The following S100A3 variants were observed in gnomAD, a reference collection of about 807,000 sequenced individuals.
S100A3 encodes S100 calcium binding protein A3.
S100A3 carries 11 observed loss-of-function variants against 8.0 expected under a neutral mutation model. That is an observed-to-expected ratio of 1.37 (90% CI 0.86 to 2.27). S100A3 has a LOEUF of 2.27. S100A3 is among the 30% of genes most tolerant of loss of function. The pLI is 0.00. For synonymous variants in S100A3, 43 were observed against 49.6 expected (o/e 0.87, Z 0.56); for missense variants, 124 against 127.1 (o/e 0.98, Z 0.12).
rs573369657 is a variant in S100A3 at position 153,547,392 on chromosome 1, C to T, written c.*290G>A. 21 of 385,034 alleles carry T rather than the reference C, an allele frequency of 5.5e-5. No individual in the cohort carries two copies. The highest frequency in any genetic ancestry group is 1.4e-3 in the Middle Eastern group (2 of 1,460). The allele number at this position is 385,034 out of a possible 1,614,324, so 23.9% of individuals were successfully genotyped here. On this transcript the variant is annotated 3_prime_UTR_variant, in exon 3 of 3. Transcript: ENST00000368713. The surrounding 1 kb of genome is among the most constrained non-coding windows in gnomAD (Gnocchi z 4.0). ...TTCCCATCGTGGTCTCATTGGTGCA[C>T]GCTCTGCTGAGCCTCGAGGGCCTCA...
At position 153,548,229 on chromosome 1, in the gene S100A3, C is replaced by A; in HGVS notation, c.141+116G>T. 2.9e-6 allele frequency: 4 copies of A among 1,370,908 alleles called. No individual in the cohort carries two copies. The South Asian group carries it at 4.9e-5, about 17-fold the overall frequency. The allele number at this position is 1,370,908 out of a possible 1,614,324, so 84.9% of individuals were successfully genotyped here. A position where few individuals can be genotyped will look rare whatever the true frequency, so the allele number is the denominator to read the frequency against. On this transcript the variant is annotated intron_variant, in intron 2 of 2. Coordinates refer to ENST00000368713, the MANE Select transcript of S100A3 (RefSeq NM_002960.2). ...CCCCCTCCCACTCCCTCCTCACAAT[C>A]CAGCCCCCTCCCTTGCTGTCCTGTG...
At chr1:153,548,870 C>G (rs189969661) in intron 1 of S100A3, among the ~76,000 whole-genome samples, 1 of 152,206 alleles carries the variant, frequency 6.6e-6, no homozygotes, top group Non-Finnish European at 1.5e-5. Flanking sequence ...TCTGCCCCAG[C>G]CCATGAGATG....
Position 153,547,574 on chromosome 1 carries a change from A to C in S100A3, c.*108T>G. The C allele has an allele frequency of 7.6e-7, 1 of 1,307,200 alleles. No homozygotes were observed. The highest frequency in any genetic ancestry group is 1.1e-6 in the Non-Finnish European group (1 of 950,790). 81.0% of individuals were successfully genotyped at this position (1,307,200 alleles called of 1,614,324 possible). On this transcript the variant is annotated 3_prime_UTR_variant, in exon 3 of 3. Coordinates refer to ENST00000368713, the MANE Select transcript of S100A3 (RefSeq NM_002960.2). The surrounding 1 kb of genome is among the most constrained non-coding windows in gnomAD (Gnocchi z 4.0). The stretch of plus-strand genomic sequence containing the variant: ...TAGGTAAAATGGGTTAACTGATCGC[A>C]GAAGACCTGGGCAAGTCCAGATTGA...
At position 153,549,178 on chromosome 1, in the gene S100A3, C is replaced by G. The variant is rs1371213070; in HGVS notation, c.-6+3G>C. ...CTGATCTGTAAGTTGGGGTTCATCT[C>G]ACCTCGCTGGCCCAGTCAGGAACCT... On this transcript the variant is annotated splice_donor_region_variant and intron_variant, in intron 1 of 2. Transcript: ENST00000368713. The G allele has an allele frequency of 6.6e-6, 1 of 152,554 alleles. No individual in the cohort carries two copies. The highest frequency in any genetic ancestry group is 2.4e-5 in the African/African-American group (1 of 41,468). The allele number at this position is 152,554 out of a possible 1,614,324, so 9.5% of individuals were successfully genotyped here. A position where few individuals can be genotyped will look rare whatever the true frequency, so the allele number is the denominator to read the frequency against.
Position 153,548,924 on chromosome 1 carries a change from C to T in S100A3, c.-6+257G>A, listed in dbSNP as rs576579581. 1.6e-4 allele frequency: 26 copies of T among 162,860 alleles called. No homozygotes were observed. The South Asian group carries it at 3.9e-3, about 25-fold the overall frequency. The allele number at this position is 162,860 out of a possible 1,614,324, so 10.1% of individuals were successfully genotyped here. A position where few individuals can be genotyped will look rare whatever the true frequency, so the allele number is the denominator to read the frequency against. On this transcript the variant is annotated intron_variant, in intron 1 of 2. Coordinates refer to ENST00000368713, the MANE Select transcript of S100A3 (RefSeq NM_002960.2). The stretch of plus-strand genomic sequence containing the variant: ...CTGCAGGAACTTGCACAAGGAGAGC[C>T]TGGCCCTGTGCTTCTCTGCCCTCAG...
intron 2 of S100A3, among the ~76,000 whole-genome samples, chr1:153,548,140 A>G (rs1361568031): frequency 6.6e-6 from 1 of 152,196 alleles, no homozygotes; most frequent in Non-Finnish European, 1.5e-5. Flanking sequence ...TCTGCAAGGC[A>G]GCAGGGATGA....
Position 153,547,892 on chromosome 1 carries a change from G to C in S100A3, c.142-46C>G. On this transcript the variant is annotated intron_variant, in intron 2 of 2. Transcript: ENST00000368713. This position sits in a 1 kb window ranked among gnomAD's most constrained non-coding sequence, Gnocchi z 4.0. The stretch of plus-strand genomic sequence containing the variant: ...GAGAGGTAAGGGAGTAGGATGAGGA[G>C]GGCAGAACAGCCTCACACGCCACCT... 6.3e-7 allele frequency: 1 copy of C among 1,575,234 alleles called. No individual in the cohort carries two copies. Among genetic ancestry groups the C allele is most frequent in the Non-Finnish European group, 8.7e-7 (1 of 1,152,212 alleles).
Position 153,547,738 on chromosome 1 carries a change from G to A in S100A3, c.250C>T (p.Leu84Phe), listed in dbSNP as rs1665609483. ...EYVRSLACLC[L>F]YCHEYFKDCP... ...TCCTTGAAGTACTCGTGGCAGTAGA[G>A]ACAGAGGCAGGCAAGTGAGCGCACA... The change falls in exon 3 of 3, where the codon CTC (leucine) becomes TTC (phenylalanine). Residue 84 changes from leucine to phenylalanine, a missense_variant. Coordinates refer to ENST00000368713, the MANE Select transcript of S100A3 (RefSeq NM_002960.2). The surrounding 1 kb of genome is among the most constrained non-coding windows in gnomAD (Gnocchi z 4.0). 2 of 1,614,100 alleles carry A rather than the reference G, an allele frequency of 1.2e-6. No homozygotes were observed. The highest frequency in any genetic ancestry group is 1.7e-6 in the Non-Finnish European group (2 of 1,179,970).
At position 153,548,422 on chromosome 1, in the gene S100A3, G is replaced by T. The variant is rs61731550; in HGVS notation, c.64C>A (p.Arg22Ser). 1.9e-6 allele frequency: 3 copies of T among 1,613,304 alleles called. No individual in the cohort carries two copies. The highest frequency in any genetic ancestry group is 2.5e-6 in the Non-Finnish European group (3 of 1,179,760). ...IVCTFQEYAG[R>S]CGDKYKLCQA... is the part of the protein sequence containing the mutation. ...CAGAGCTTGTATTTGTCCCCACAGC[G>T]CCCTGCGTATTCCTGGAAGGTGCAC... The change falls in exon 2 of 3, where the codon CGC (arginine) becomes AGC (serine). Residue 22 changes from arginine (R) to serine (S), a missense_variant. Physicochemically the swap from Arg to Ser is moderately radical, Grantham distance 110. Transcript: ENST00000368713.
chr1:153,547,738 G>T lies in S100A3; in HGVS notation c.250C>A (p.Leu84Ile), dbSNP rs1665609483. ...EYVRSLACLCLYCHEYFKDCP... is the reference protein window; with the variant it reads ...EYVRSLACLCIYCHEYFKDCP... ...TCCTTGAAGTACTCGTGGCAGTAGA[G>T]ACAGAGGCAGGCAAGTGAGCGCACA... Residue 84 changes from leucine (L) to isoleucine (I), a missense_variant, in exon 3 of 3, where the codon CTC becomes ATC. Physicochemically the swap from Leu to Ile is conservative, Grantham distance 5. Transcript: ENST00000368713. This position sits in a 1 kb window ranked among gnomAD's most constrained non-coding sequence, Gnocchi z 4.0. 1.2e-6 allele frequency: 2 copies of T among 1,614,100 alleles called. No individual in the cohort carries two copies. Among genetic ancestry groups the T allele is most frequent in the Middle Eastern group, 1.7e-4 (1 of 6,058 alleles).
At chr1:153,548,904 G>C (rs1665651715) in intron 1 of S100A3, 1 of 165,544 alleles carries the variant, frequency 6.0e-6, no homozygotes, top group African/African-American at 2.4e-5. Flanking sequence ...CCTCCCTGCA[G>C]GAACTTGCAC....
chr1:153,547,626 G>T lies in S100A3; in HGVS notation c.*56C>A. 6.3e-7 allele frequency: 1 copy of T among 1,581,226 alleles called. No individual in the cohort carries two copies. The highest frequency in any genetic ancestry group is 8.6e-7 in the Non-Finnish European group (1 of 1,156,462). Reference sequence around the variant, plus strand: ...AGGGGTACAGGAGAGAGGGTAGGAGGGGGTGTGGGAGACATGCCCAGCCCC... The same window carrying T: ...AGGGGTACAGGAGAGAGGGTAGGAGTGGGTGTGGGAGACATGCCCAGCCCC... On this transcript the variant is annotated 3_prime_UTR_variant, in exon 3 of 3. Coordinates refer to ENST00000368713, the MANE Select transcript of S100A3 (RefSeq NM_002960.2). The surrounding 1 kb of genome is among the most constrained non-coding windows in gnomAD (Gnocchi z 4.0).
At position 153,548,449 on chromosome 1, in the gene S100A3, C is replaced by A. The variant is rs200355997; in HGVS notation, c.37G>T (p.Val13Leu). Reference sequence around the variant, plus strand: ...CCTGCGTATTCCTGGAAGGTGCACACGATGGCAGCTACCGCCTGCTCCAGA... The same window carrying A: ...CCTGCGTATTCCTGGAAGGTGCACAAGATGGCAGCTACCGCCTGCTCCAGA... ...RPLEQAVAAIVCTFQEYAGRC... is the reference protein window; with the variant it reads ...RPLEQAVAAILCTFQEYAGRC... The change falls in exon 2 of 3, where the codon GTG becomes TTG. Residue 13 changes from valine (V) to leucine (L), a missense_variant. Physicochemically the swap from Val to Leu is conservative, Grantham distance 32 (BLOSUM62 1). Coordinates refer to ENST00000368713, the MANE Select transcript of S100A3 (RefSeq NM_002960.2). 229 of 1,608,618 alleles carry A rather than the reference C, an allele frequency of 1.4e-4. No individual in the cohort carries two copies. Among genetic ancestry groups the A allele is most frequent in the Non-Finnish European group, 1.8e-4 (208 of 1,176,342 alleles).
In S100A3 at chr1:153,547,836, C is replaced by A. The variant is rs566984814; in HGVS notation, c.152G>T (p.Arg51Leu). The A allele has an allele frequency of 1.2e-6, 2 of 1,613,556 alleles. No individual in the cohort carries two copies. Among genetic ancestry groups the A allele is most frequent in the African/African-American group, 2.7e-5 (2 of 74,952 alleles). Reference protein sequence around the residue: ...ELATWTPTEFRECDYNKFMSV... With the variant: ...ELATWTPTEFLECDYNKFMSV... ...CATGAATTTGTTGTAGTCACATTCC[C>A]GAAACTCAGTCTGTGCAAGGGAAGG... is the stretch of plus-strand genomic sequence containing the variant. The change falls in exon 3 of 3, where the codon CGG becomes CTG. Residue 51 changes from arginine to leucine, a missense_variant. Physicochemically the swap from Arg to Leu is moderately radical, Grantham distance 102. Coordinates refer to ENST00000368713, the MANE Select transcript of S100A3 (RefSeq NM_002960.2). This position sits in a 1 kb window ranked among gnomAD's most constrained non-coding sequence, Gnocchi z 4.0.
Position 153,547,605 on chromosome 1 carries a change from G to T in S100A3, c.*77C>A. ...CCTGGGCAAGTCCAGATTGAAAGGG[G>T]TACAGGAGAGAGGGTAGGAGGGGGT... On this transcript the variant is annotated 3_prime_UTR_variant, in exon 3 of 3. Coordinates refer to ENST00000368713, the MANE Select transcript of S100A3 (RefSeq NM_002960.2). The surrounding 1 kb of genome is among the most constrained non-coding windows in gnomAD (Gnocchi z 4.0). 1.3e-6 allele frequency: 2 copies of T among 1,519,674 alleles called. No individual in the cohort carries two copies. The highest frequency in any genetic ancestry group is 1.8e-6 in the Non-Finnish European group (2 of 1,110,334). The allele number at this position is 1,519,674 out of a possible 1,614,324, so 94.1% of individuals were successfully genotyped here.
intron 2 of S100A3, among the ~76,000 whole-genome samples, chr1:153,548,084 G>C (rs932740328): frequency 1.3e-5 from 2 of 152,132 alleles, no homozygotes; most frequent in African/African-American, 4.8e-5. Context: ...TGCCTACCAA[G>C]TGTTAGGCAT....
rs1557894072 is a variant in S100A3 at position 153,547,857 on chromosome 1, G to A, written c.142-11C>T. The A allele has an allele frequency of 1.9e-6, 3 of 1,612,128 alleles. No individual in the cohort carries two copies. The highest frequency in any genetic ancestry group is 2.5e-6 in the Non-Finnish European group (3 of 1,178,682). ...TTCCCGAAACTCAGTCTGTGCAAGG[G>A]AAGGGTTGGGAGAGGTAAGGGAGTA... On this transcript the variant is annotated splice_polypyrimidine_tract_variant and intron_variant, in intron 2 of 2. Coordinates refer to ENST00000368713, the MANE Select transcript of S100A3 (RefSeq NM_002960.2). This position sits in a 1 kb window ranked among gnomAD's most constrained non-coding sequence, Gnocchi z 4.0.
chr1:153,547,461 G>A lies in S100A3; in HGVS notation c.*221C>T. 1 of 550,030 alleles carries A rather than the reference G, an allele frequency of 1.8e-6. No homozygotes were observed. The highest frequency in any genetic ancestry group is 3.2e-6 in the Non-Finnish European group (1 of 312,526). The allele number at this position is 550,030 out of a possible 1,614,324, so 34.1% of individuals were successfully genotyped here. On this transcript the variant is annotated 3_prime_UTR_variant, in exon 3 of 3. Transcript: ENST00000368713. The surrounding 1 kb of genome is among the most constrained non-coding windows in gnomAD (Gnocchi z 4.0). ...CCCATCCACAAGGGAGGCCACAGGG[G>A]TGCGGCAGGCAGGCTGGGCCCCAGA... is the stretch of plus-strand genomic sequence containing the variant.
In S100A3 at chr1:153,547,646, A is replaced by T. The variant is rs1665603434; in HGVS notation, c.*36T>A. ...AGGAGGGGGTGTGGGAGACATGCCC[A>T]GCCCCCGACAGCCAGCGCACCCCCT... On this transcript the variant is annotated 3_prime_UTR_variant, in exon 3 of 3. Coordinates refer to ENST00000368713, the MANE Select transcript of S100A3 (RefSeq NM_002960.2). The surrounding 1 kb of genome is among the most constrained non-coding windows in gnomAD (Gnocchi z 4.0). 1 of 1,605,962 alleles carries T rather than the reference A, an allele frequency of 6.2e-7. No homozygotes were observed. Among genetic ancestry groups the T allele is most frequent in the South Asian group, 1.1e-5 (1 of 90,390 alleles).
Sources: gnomAD v4.1 joint callset for allele counts (sites outside exome capture counted in the v4.1 genomes callset) on GRCh38, gnomAD v4.1.1 for gene constraint, Gnocchi (gnomAD v3.1) non-coding constraint, MANE v1.5 for transcripts, NCBI Gene and HGNC (gene_info 2026-07-23, HGNC 2026-07-21) for gene names.